The following KCNK4 variants were observed in gnomAD, a reference collection of about 807,000 sequenced individuals.
KCNK4 encodes the protein potassium two pore domain channel subfamily K member 4.
Under a neutral mutation model 28.8 loss-of-function variants are expected in KCNK4, and 22 were observed. The observed-to-expected ratio is 0.76, with a 90% CI of 0.55 to 1.09. The LOEUF (loss-of-function observed/expected upper bound fraction) is 1.09. Ranked by LOEUF, KCNK4 falls within the 50% of genes least tolerant of loss-of-function variation. The pLI is 0.00. For synonymous variants in KCNK4, 263 were observed against 252.9 expected, an observed-to-expected ratio of 1.04 and a Z score of -0.38; for missense variants, 483 against 546.3, an observed-to-expected ratio of 0.88 and a Z score of 1.15.
At chr11:64,295,360 G>A (rs759221145) in intron 2 of KCNK4, among the ~76,000 whole-genome samples, 2 of 152,118 alleles carry the variant, frequency 1.3e-5, no homozygotes, top group African/African-American at 4.8e-5. Flanking sequence ...GAGTAGAGAC[G>A]AGGGGCAAGA....
Position 64,299,741 on chromosome 11 carries a change from G to T in KCNK4, c.*15G>T. 2 of 1,547,494 alleles carry T rather than the reference G, an allele frequency of 1.3e-6. No homozygotes were observed. Among genetic ancestry groups the T allele is most frequent in the Non-Finnish European group, 1.7e-6 (2 of 1,151,304 alleles). On this transcript the variant is annotated 3_prime_UTR_variant, in exon 7 of 7. Coordinates refer to ENST00000422670, the MANE Select transcript of KCNK4 (RefSeq NM_033310.3). Reference sequence around the variant, plus strand: ...TGCCGGTGTAGGGGCAGGATCCCTGGCCGGGCCTCTCAAGGGCTTCGTTTC... The same window carrying T: ...TGCCGGTGTAGGGGCAGGATCCCTGTCCGGGCCTCTCAAGGGCTTCGTTTC...
chr11:64,296,749 G>C, intron 2 of KCNK4, 129 bp from the exon 3 acceptor site: 1 of 967,332 alleles, frequency 1.0e-6, no homozygotes, highest in Non-Finnish European at 1.4e-6. Context: ...ACTGCCTCCT[G>C]GGAGACCAAA....
rs1040771136 is a variant in KCNK4 at position 64,297,167 on chromosome 11, T to A, written c.362T>A (p.Ile121Asn). 4 of 1,614,032 alleles carry A rather than the reference T, an allele frequency of 2.5e-6. No homozygotes were observed. In the African/African-American group the frequency reaches 5.3e-5, roughly 22 times the overall value. The change falls in exon 4 of 7, where the codon ATC becomes AAC. Residue 121 changes from isoleucine (I) to asparagine (N), a missense_variant. Physicochemically the swap from Ile to Asn is moderately radical, Grantham distance 149. Transcript: ENST00000422670. ...ACAGATGCCGGGCGCCTCTTCTGCA[T>A]CTTTTATGCGCTGGTGGGGATTCCG... ...LRTDAGRLFC[I>N]FYALVGIPLF... is the part of the protein sequence containing the mutation.
chr11:64,296,184 C>T (rs2034759993), intron 2 of KCNK4: 1 of 152,052 alleles, frequency 6.6e-6, no homozygotes, highest in Admixed American at 6.6e-5. Flanking sequence ...ATATGATTTA[C>T]ACTGCAGCAC....
intron 2 of KCNK4, among the ~76,000 whole-genome samples, chr11:64,294,299 C>T (rs2034712791): frequency 1.3e-5 from 2 of 151,998 alleles, no homozygotes; most frequent in African/African-American, 4.8e-5. Context: ...GGGTGGATCA[C>T]CTGAGGTCAG....
chr11:64,295,799 T>C (rs1283958598), intron 2 of KCNK4, among the ~76,000 whole-genome samples: 1 of 151,844 alleles, frequency 6.6e-6, no homozygotes, highest in African/African-American at 2.4e-5. Context: ...TTAGGAAGAT[T>C]AGTTTGGACT....
chr11:64,294,170 G>T (rs2034709669), intron 2 of KCNK4, among the ~76,000 whole-genome samples: 1 of 152,114 alleles, frequency 6.6e-6, no homozygotes, highest in Admixed American at 6.5e-5. Flanking sequence ...GGGGAGAAGG[G>T]GGGGTGCGTC....
chr11:64,291,862 G>A (rs1264415851), intron 1 of KCNK4: 2 of 227,186 alleles, frequency 8.8e-6, no homozygotes, highest in Non-Finnish European at 8.0e-6. Context: ...GCCGGGCGGG[G>A]TGCCCACCTC....
chr11:64,297,219 C>G lies in KCNK4; in HGVS notation c.414C>G (p.Val138=), dbSNP rs199730514. 6.2e-7 allele frequency: 1 copy of G among 1,613,994 alleles called. No individual in the cohort carries two copies. Among genetic ancestry groups the G allele is most frequent in the Non-Finnish European group, 8.5e-7 (1 of 1,179,982 alleles). The change falls in exon 4 of 7, where the codon GTC becomes GTG. Residue 138 remains valine, a synonymous_variant. Transcript: ENST00000422670. ...TGTTTGGGATCCTACTGGCAGGGGTCGGGGACCGGCTGGGCTCCTCCCTGC... is the reference window on the plus strand; with the variant it reads ...TGTTTGGGATCCTACTGGCAGGGGTGGGGGACCGGCTGGGCTCCTCCCTGC... ...IPLFGILLAG[V]GDRLGSSLRH...
chr11:64,296,282 G>T (rs2034762836), intron 2 of KCNK4: 1 of 152,064 alleles, frequency 6.6e-6, no homozygotes, highest in Admixed American at 6.6e-5. Context: ...GCAAAATTTT[G>T]TGGCATATAA....
At position 64,297,603 on chromosome 11, in the gene KCNK4, A is replaced by G. The variant is rs760642986; in HGVS notation, c.611A>G (p.Tyr204Cys). Residue 204 changes from tyrosine to cysteine, a missense_variant, in exon 5 of 7, where the codon TAC becomes TGC. Transcript: ENST00000422670. ...MEDWSKLEAI[Y>C]FVIVTLTTVG... ...GACTGGAGCAAGCTGGAGGCCATCT[A>G]CTTTGTCATAGTGACGCTTACCACC... is the stretch of plus-strand genomic sequence containing the variant. The G allele has an allele frequency of 1.2e-6, 2 of 1,614,010 alleles. No homozygotes were observed. The highest frequency in any genetic ancestry group is 2.2e-5 in the South Asian group (2 of 91,076).
In KCNK4 at chr11:64,298,243, G is replaced by A. The variant is rs2034828623; in HGVS notation, c.795G>A (p.Arg265=). 6.2e-7 allele frequency: 1 copy of A among 1,612,048 alleles called. No individual in the cohort carries two copies. Among genetic ancestry groups the A allele is most frequent in the African/African-American group, 1.3e-5 (1 of 74,880 alleles). The change falls in exon 6 of 7, where the codon CGG becomes CGA. Residue 265 remains arginine, a synonymous_variant. Transcript: ENST00000422670. ...TGCGAGTAGTGTCCCGCCGCACTCG[G>A]GCAGAGGTAGGCGCCCCAGGGTTGG... ...NWLRVVSRRT[R]AEMGGLTAQA...
Position 64,299,814 on chromosome 11 carries a change from C to T in KCNK4, c.*88C>T. 1 of 1,535,620 alleles carries T rather than the reference C, an allele frequency of 6.5e-7. No individual in the cohort carries two copies. Among genetic ancestry groups the T allele is most frequent in the Non-Finnish European group, 8.7e-7 (1 of 1,146,706 alleles). On this transcript the variant is annotated 3_prime_UTR_variant, in exon 7 of 7. Transcript: ENST00000422670. ...TTGTTTGACCAAAGAGCCCTCTTTC[C>T]ACGAGACTGAAGTCTGGGGAGGAGG...
chr11:64,294,669 T>C (rs1163532079), intron 2 of KCNK4, among the ~76,000 whole-genome samples: 1 of 152,118 alleles, frequency 6.6e-6, no homozygotes, highest in African/African-American at 2.4e-5. Flanking sequence ...TATTTGAAAT[T>C]GAAGAGTACC....
At position 64,298,229 on chromosome 11, in the gene KCNK4, T is replaced by C. The variant is rs769858736; in HGVS notation, c.781T>C (p.Ser261Pro). The C allele has an allele frequency of 6.2e-7, 1 of 1,612,688 alleles. No homozygotes were observed. The highest frequency in any genetic ancestry group is 8.5e-7 in the Non-Finnish European group (1 of 1,180,006). The change falls in exon 6 of 7, where the codon TCC becomes CCC. Residue 261 changes from serine to proline, a missense_variant. Ser to Pro is a moderately conservative substitution (Grantham distance 74). Transcript: ENST00000422670. ...CATCGGGAACTGGCTGCGAGTAGTG[T>C]CCCGCCGCACTCGGGCAGAGGTAGG... ...TTIGNWLRVV[S>P]RRTRAEMGGL...
intron 4 of KCNK4, 38 bp downstream of exon 4, chr11:64,297,317 C>T: frequency 1.3e-6 from 2 of 1,589,832 alleles, no homozygotes; most frequent in East Asian, 2.2e-5. Flanking sequence ...TTGTGCTGGG[C>T]TCCGGCTACC....
intron 2 of KCNK4, among the ~76,000 whole-genome samples, chr11:64,295,623 C>T (rs1402848979): frequency 6.8e-6 from 1 of 146,264 alleles, no homozygotes; most frequent in African/African-American, 2.6e-5. Flanking sequence ...GGAATCATCT[C>T]AGAAAATCTG....
In KCNK4 at chr11:64,297,555, CGTTCGT is replaced by C. The variant is rs778654284; in HGVS notation, c.568_573del (p.Val190_Phe191del). On this transcript the variant is annotated inframe_deletion, in exon 5 of 7. Coordinates refer to ENST00000422670, the MANE Select transcript of KCNK4 (RefSeq NM_033310.3). Reference sequence around the variant, plus strand: ...TGCCTGCTCTTTGTCCTCACGCCCACGTTCGTGTTCTGCTATATGGAGGACTGGAGC... The same window carrying C: ...TGCCTGCTCTTTGTCCTCACGCCCACGTTCTGCTATATGGAGGACTGGAGC... 5 of 1,614,190 alleles carry C rather than the reference CGTTCGT, an allele frequency of 3.1e-6. No homozygotes were observed. The South Asian group carries it at 5.5e-5, about 18-fold the overall frequency.
At chr11:64,291,888 T>G in intron 1 of KCNK4, 2 of 361,408 alleles carry the variant, frequency 5.5e-6, no homozygotes, top group Non-Finnish European at 8.4e-6. Flanking sequence ...CGTGGGCGCC[T>G]CCGGGAGTGG....
Sources: allele counts gnomAD v4.1 joint callset (sites outside exome capture counted in the v4.1 genomes callset), GRCh38; gene constraint gnomAD v4.1.1; transcripts MANE v1.5; gene names NCBI Gene and HGNC (gene_info 2026-07-23, HGNC 2026-07-21).